RGS6: variants seen among roughly 807,000 people sequenced by gnomAD.
RGS6 encodes the protein regulator of G protein signaling 6, also known as regulator of G-protein signaling 6.
RGS6 carries 30 observed loss-of-function variants against 78.5 expected under a neutral mutation model. The observed-to-expected ratio is 0.38, with a 90% confidence interval of 0.29 to 0.52. The LOEUF (loss-of-function observed/expected upper bound fraction) is 0.52. Ranked by LOEUF, RGS6 falls within the 20% of genes least tolerant of loss-of-function variation. RGS6 has a pLI of 0.85. For synonymous variants in RGS6, 206 were observed against 206.0 expected, an observed-to-expected ratio of 1.00 and a Z score of 0.00; for missense variants, 495 against 609.7, an observed-to-expected ratio of 0.81 and a Z score of 1.98.
chr14:72,035,594 T>C (rs778675113), intron 2 of RGS6, among the ~76,000 whole-genome samples: 10 of 152,206 alleles, frequency 6.6e-5, no homozygotes, highest in Non-Finnish European at 1.5e-4. Context: ...ACGTAGGTAT[T>C]TACTGCTATA....
intron 2 of RGS6, among the ~76,000 whole-genome samples, chr14:72,338,320 C>T (rs185001710): frequency 5.3e-5 from 8 of 152,300 alleles, no homozygotes; most frequent in Non-Finnish European, 8.8e-5. Flanking sequence ...GCGAAAGGCA[C>T]ATCTTACATG....
the RGS6 span, among the ~76,000 whole-genome samples, chr14:71,871,565 A>C: frequency 6.6e-6 from 1 of 151,752 alleles, no homozygotes; most frequent in Non-Finnish European, 1.5e-5. Context: ...TACCTTGTGG[A>C]TTCCCCTAAA....
rs1389206989 is a variant in RGS6, at chr14:72,298,856, TA to T, written c.85-53238del. 2.6e-5 allele frequency among the ~76,000 whole-genome samples: 4 copies of T among 152,338 alleles called. No individual in the cohort carries two copies. In the South Asian group the frequency reaches 8.3e-4, roughly 32 times the overall value. ...TCAGAGAATTTGTGGAGGATTTTAC[TA>T]TTTTCTTTCTCAAACATTTAGTAGA... On this transcript the variant is annotated intron_variant, in intron 2 of 17. Coordinates refer to ENST00000553525, the MANE Select transcript of RGS6 (RefSeq NM_001204424.2).
At chr14:72,437,769 G>T (rs541287377) in intron 3 of RGS6, among the ~76,000 whole-genome samples, 2 of 152,110 alleles carry the variant, frequency 1.3e-5, no homozygotes, top group South Asian at 2.1e-4. Flanking sequence ...ATTCCACCCC[G>T]CAGTCTTCCA....
At chr14:72,316,964 C>T (rs1024110057) in intron 2 of RGS6, among the ~76,000 whole-genome samples, 1 of 145,484 alleles carries the variant, frequency 6.9e-6, no homozygotes, top group Admixed American at 7.0e-5. Context: ...GGTCAATGTT[C>T]CTTTGAAAAT....
At chr14:72,396,428 C>T (rs1328866356) in intron 3 of RGS6, among the ~76,000 whole-genome samples, 2 of 152,034 alleles carry the variant, frequency 1.3e-5, no homozygotes, top group African/African-American at 4.8e-5. Flanking sequence ...ATTGTAGATT[C>T]TGGATATTAG....
At chr14:72,386,536 T>G (rs571415004) in intron 3 of RGS6, among the ~76,000 whole-genome samples, 1 of 152,222 alleles carries the variant, frequency 6.6e-6, no homozygotes, top group East Asian at 1.9e-4. Context: ...AGACTCCATC[T>G]CAAAATAATA....
intron 2 of RGS6, among the ~76,000 whole-genome samples, chr14:72,331,930 C>G (rs1371346924): frequency 6.6e-6 from 1 of 152,212 alleles, no homozygotes; most frequent in African/African-American, 2.4e-5. Flanking sequence ...TTCCAATTAT[C>G]TAATCTCTGT....
intron 2 of RGS6, among the ~76,000 whole-genome samples, chr14:72,242,111 C>T (rs1416125532): frequency 6.6e-6 from 1 of 152,092 alleles, no homozygotes; most frequent in Non-Finnish European, 1.5e-5. Flanking sequence ...GCCATATTAA[C>T]AAGAGAAAAG....
At chr14:72,095,010 C>T (rs1464554015) in intron 2 of RGS6, among the ~76,000 whole-genome samples, 1 of 151,990 alleles carries the variant, frequency 6.6e-6, no homozygotes, top group African/African-American at 2.4e-5. Flanking sequence ...TGACTGTCAG[C>T]CTGAGTAGTT....
intron 2 of RGS6, among the ~76,000 whole-genome samples, chr14:72,313,844 G>A (rs562494508): frequency 6.6e-6 from 1 of 152,280 alleles, no homozygotes; most frequent in East Asian, 1.9e-4. Flanking sequence ...GCACTTCACA[G>A]AAGATATTAT....
chr14:72,081,057 T>C (rs1270734691), intron 2 of RGS6, among the ~76,000 whole-genome samples: 1 of 152,036 alleles, frequency 6.6e-6, no homozygotes, highest in Non-Finnish European at 1.5e-5. Context: ...TGTGAAAATA[T>C]CATTGGAATT....
chr14:72,171,282 T>G (rs1351355104), intron 2 of RGS6, among the ~76,000 whole-genome samples: 1 of 151,824 alleles, frequency 6.6e-6, no homozygotes, highest in Non-Finnish European at 1.5e-5. Context: ...AACACACAAA[T>G]CCCATCAACT....
rs528999850 is a variant in RGS6, at chr14:72,418,603, T to C, written c.185-35925T>C. The stretch of plus-strand genomic sequence containing the variant: ...CCAGATACAGGCTGAGCAGGCCCAA[T>C]GATGGATAGAGAGGCACATCCACTG... On this transcript the variant is annotated intron_variant, in intron 3 of 17. Transcript: ENST00000553525. Among the ~76,000 whole-genome samples, 12 of 152,254 alleles carry C rather than the reference T, an allele frequency of 7.9e-5. No individual in the cohort carries two copies. In the South Asian group the frequency reaches 2.5e-3, roughly 32 times the overall value.
intron 1 of RGS6, among the ~76,000 whole-genome samples, chr14:71,939,065 C>T (rs576065178): frequency 1.3e-5 from 2 of 152,320 alleles, no homozygotes. Context: ...GCAGAACCTT[C>T]TCCTGTTCTG....
chr14:72,591,725 T>C, the RGS6 span, among the ~76,000 whole-genome samples: 2 of 152,228 alleles, frequency 1.3e-5, no homozygotes, highest in Non-Finnish European at 2.9e-5. Flanking sequence ...ACTCTCACCT[T>C]GTTGTGTGGC....
chr14:72,114,934 G>C (rs556812346), intron 2 of RGS6, among the ~76,000 whole-genome samples: 1 of 152,326 alleles, frequency 6.6e-6, no homozygotes, highest in South Asian at 2.1e-4. Context: ...AGAAAAACAA[G>C]AAAAACGGCA....
chr14:72,475,830 G>GCACACACACACACACACACGCGCACACA (rs1555424336), intron 10 of RGS6, among the ~76,000 whole-genome samples: 14 of 145,606 alleles, frequency 9.6e-5, no homozygotes, highest in African/African-American at 2.3e-4. Context: ...AAAAATACAC[G>GCACACACACACACACACACGCGCACACA]CACACACACA....
intron 16 of RGS6, among the ~76,000 whole-genome samples, chr14:72,537,965 G>T (rs183310775): frequency 1.1e-4 from 16 of 152,342 alleles, no homozygotes; most frequent in African/African-American, 3.8e-4. Context: ...GGTCACTTGA[G>T]TGAGGAAGGA....
Sources: allele counts gnomAD v4.1 joint callset (sites outside exome capture counted in the v4.1 genomes callset), GRCh38; gene constraint gnomAD v4.1.1; transcripts MANE v1.5; gene names NCBI Gene and HGNC (gene_info 2026-07-23, HGNC 2026-07-21).